STAG2: variants seen among roughly 807,000 people sequenced by gnomAD.
The protein encoded by STAG2 is STAG2 cohesin complex component.
Under a neutral mutation model 108.1 loss-of-function variants are expected in STAG2, and 14 were observed. The observed-to-expected ratio is 0.13, with a 90% confidence interval of 0.09 to 0.20. The LOEUF (loss-of-function observed/expected upper bound fraction) is 0.20. STAG2 is among the 10% of genes least tolerant of loss of function. The pLI is 1.00. For synonymous variants in STAG2, 307 were observed against 302.7 expected (o/e 1.01, Z -0.15); for missense variants, 440 against 940.9 (o/e 0.47, Z 6.96).
At chrX:123,992,830 G>C (rs2055547785) in intron 1 of STAG2, among the ~76,000 whole-genome samples, 4 of 111,098 alleles carry the variant, frequency 3.6e-5, no homozygotes. Flanking sequence ...GTGAGCTACT[G>C]TGCCTGTCCT....
intron 1 of STAG2, among the ~76,000 whole-genome samples, chrX:124,000,590 C>T (rs2055983279): frequency 9.0e-6 from 1 of 111,213 alleles, no homozygotes; most frequent in Non-Finnish European, 1.9e-5. Context: ...GCAAGAGGAT[C>T]GCTTGAGCCA....
At chrX:124,048,901 A>G (rs2057955110) in intron 9 of STAG2, 104 bp from the exon 10 acceptor site, 2 of 613,563 alleles carry the variant, frequency 3.3e-6, no homozygotes, top group African/African-American at 4.6e-5. Flanking sequence ...AAAATTCCCC[A>G]AAATACTGGG....
At chrX:124,035,805 C>T (rs12858636) in intron 5 of STAG2, among the ~76,000 whole-genome samples, 3,765 of 111,705 alleles carry the variant, frequency 0.034, 61 homozygotes, top group Non-Finnish European at 0.048. Flanking sequence ...GAGAGAATGT[C>T]CTGAGAGAAG....
At chrX:123,990,082 G>A (rs2055379363) in intron 1 of STAG2, among the ~76,000 whole-genome samples, 1 of 111,940 alleles carries the variant, frequency 8.9e-6, no homozygotes, top group Admixed American at 9.5e-5. Flanking sequence ...AAAGAATGAA[G>A]CAAGGAAAGC....
intron 1 of STAG2, among the ~76,000 whole-genome samples, chrX:124,009,545 T>TTA (rs2056452208): frequency 9.0e-6 from 1 of 110,779 alleles, no homozygotes. Context: ...AAGTGTTGCA[T>TTA]TTTAGGGTAA....
intron 1 of STAG2, among the ~76,000 whole-genome samples, chrX:123,998,057 A>G (rs1488646874): frequency 2.7e-5 from 3 of 111,697 alleles, no homozygotes; most frequent in African/African-American, 9.8e-5. Flanking sequence ...GTTGTGAATA[A>G]TGTCGCTATG....
chrX:124,020,963 C>T (rs1040811013), intron 1 of STAG2, among the ~76,000 whole-genome samples: 3 of 111,895 alleles, frequency 2.7e-5, no homozygotes, highest in African/African-American at 6.5e-5. Flanking sequence ...TGAGCCACTG[C>T]GCCTGGCTGA....
intron 4 of STAG2, chrX:124,026,550 GT>G: frequency 7.6e-6 from 2 of 263,595 alleles, no homozygotes; most frequent in Non-Finnish European, 7.8e-6. Flanking sequence ...AAGATAACTT[GT>G]TTTTGTTGTT....
intron 9 of STAG2, among the ~76,000 whole-genome samples, chrX:124,047,938 G>A (rs1028404839): frequency 8.9e-6 from 1 of 112,238 alleles, no homozygotes; most frequent in African/African-American, 3.2e-5. Flanking sequence ...ATTAATGACT[G>A]ACCACCAAAT....
intron 1 of STAG2, among the ~76,000 whole-genome samples, chrX:123,985,623 C>T (rs2055134533): frequency 9.1e-6 from 1 of 110,032 alleles, no homozygotes; most frequent in South Asian, 3.9e-4. Flanking sequence ...GACTGGAATA[C>T]AGTAGCAAGA....
intron 6 of STAG2, 90 bp from the exon 7 acceptor site, chrX:124,042,479 A>G: frequency 1.7e-6 from 1 of 601,999 alleles, no homozygotes; most frequent in East Asian, 3.3e-5. Flanking sequence ...TTGTGTGACC[A>G]TAGACTTCTT....
At position 124,066,352 on chromosome X, in the gene STAG2, A is replaced by G; in HGVS notation, c.2185-4A>G. On this transcript the variant is annotated splice_polypyrimidine_tract_variant and splice_region_variant and intron_variant, in intron 22 of 34. Coordinates refer to ENST00000371145, the MANE Select transcript of STAG2 (RefSeq NM_001042750.2). ...TTAACTGTATCCTTTGATTCTTTTT[A>G]CAGATTGTTATTCACGCACTGCAGT... The G allele has an allele frequency of 8.3e-7, 1 of 1,201,851 alleles. No homozygotes were observed. The highest frequency in any genetic ancestry group is 1.8e-5 in the South Asian group (1 of 55,735).
chrX:124,070,371 C>T (rs2058635080), intron 24 of STAG2, among the ~76,000 whole-genome samples: 1 of 111,526 alleles, frequency 9.0e-6, no homozygotes, highest in African/African-American at 3.3e-5. Context: ...GCTTTGTGCT[C>T]TGTATTATAT....
intron 1 of STAG2, among the ~76,000 whole-genome samples, chrX:124,010,843 T>C (rs2056498425): frequency 8.9e-6 from 1 of 111,962 alleles, no homozygotes; most frequent in South Asian, 3.7e-4. Flanking sequence ...TCCAACTTTG[T>C]TCTTTTCTTC....
intron 28 of STAG2, among the ~76,000 whole-genome samples, 194 bp from the exon 29 acceptor site, chrX:124,083,227 G>A (rs2059008642): frequency 9.3e-6 from 1 of 108,036 alleles, no homozygotes; most frequent in Admixed American, 1.0e-4. Context: ...TGTGTGTATT[G>A]TTTTAAAGAA....
intron 13 of STAG2, among the ~76,000 whole-genome samples, chrX:124,054,478 A>G (rs973108001): frequency 2.7e-5 from 3 of 112,026 alleles, no homozygotes; most frequent in Non-Finnish European, 5.6e-5. Flanking sequence ...TTAAAATCAT[A>G]AATGTTATAC....
intron 1 of STAG2, among the ~76,000 whole-genome samples, chrX:123,986,276 A>T (rs991043826): frequency 9.1e-6 from 1 of 109,353 alleles, no homozygotes; most frequent in Non-Finnish European, 1.9e-5. Context: ...TAACTTTATA[A>T]AGCTAATATG....
At chrX:123,986,219 G>A (rs978125048) in intron 1 of STAG2, among the ~76,000 whole-genome samples, 36 of 106,553 alleles carry the variant, frequency 3.4e-4, no homozygotes, top group African/African-American at 1.2e-3. Flanking sequence ...GTATATATGG[G>A]AAATATTTAT....
At chrX:124,069,590 G>C (rs1324443467) in intron 24 of STAG2, among the ~76,000 whole-genome samples, 3 of 111,604 alleles carry the variant, frequency 2.7e-5, no homozygotes, top group African/African-American at 9.8e-5. Context: ...AGTTTAAAAT[G>C]TTCATTCAAT....
Sources: allele counts gnomAD v4.1 joint callset (sites outside exome capture counted in the v4.1 genomes callset), GRCh38; gene constraint gnomAD v4.1.1; transcripts MANE v1.5; gene names NCBI Gene and HGNC (gene_info 2026-07-23, HGNC 2026-07-21).